TRPM8: variants seen among roughly 807,000 people sequenced by gnomAD.
TRPM8 encodes the protein TRPM8 cationic channel.
In TRPM8, 110 loss-of-function variants were observed where a neutral mutation model predicts 133.7. The ratio of observed to expected loss-of-function variants is 0.82; its 90% CI spans 0.70 to 0.96. The LOEUF (loss-of-function observed/expected upper bound fraction) is 0.96, where lower values mean the gene tolerates loss of function less well. Ranked by LOEUF, TRPM8 falls within the 40% of genes least tolerant of loss-of-function variation. The probability of loss-of-function intolerance (pLI) is 0.00; values close to 1 mark genes in which losing one functional copy is unlikely to be tolerated. For missense variants in TRPM8, 1,291 were observed against 1,379.5 expected, an observed-to-expected ratio of 0.94 and a Z score of 1.02; for synonymous variants, 535 against 532.3, an observed-to-expected ratio of 1.01 and a Z score of -0.07.
intron 3 of TRPM8, 86 bp downstream of exon 3, chr2:233,930,827 T>G (rs1453188131): frequency 1.1e-5 from 9 of 826,468 alleles, no homozygotes; most frequent in Non-Finnish European, 1.8e-5. Flanking sequence ...GCTCCCTAGT[T>G]CATTATTAAA....
chr2:233,956,093 T>C (rs980708103), intron 11 of TRPM8, among the ~76,000 whole-genome samples: 1 of 152,194 alleles, frequency 6.6e-6, no homozygotes, highest in African/African-American at 2.4e-5. Context: ...AGTATAATTA[T>C]CTAATTATAT....
intron 22 of TRPM8, among the ~76,000 whole-genome samples, chr2:233,999,259 G>A (rs976302373): frequency 9.2e-5 from 14 of 152,080 alleles, no homozygotes; most frequent in Admixed American, 5.2e-4. Flanking sequence ...ACATCCACAC[G>A]CATTCTCACA....
chr2:233,978,725 C>G (rs183002497), intron 17 of TRPM8, among the ~76,000 whole-genome samples: 7 of 152,222 alleles, frequency 4.6e-5, no homozygotes, highest in African/African-American at 1.4e-4. Flanking sequence ...AATAAACATC[C>G]TATTTACTGA....
At chr2:233,975,930 A>G (rs948269152) in intron 17 of TRPM8, among the ~76,000 whole-genome samples, 2 of 152,088 alleles carry the variant, frequency 1.3e-5, no homozygotes, top group Non-Finnish European at 2.9e-5. Context: ...AACAAAAAAC[A>G]CACACACAAA....
chr2:233,958,837 G>C (rs1280788255), intron 11 of TRPM8, among the ~76,000 whole-genome samples: 3 of 152,158 alleles, frequency 2.0e-5, no homozygotes, highest in African/African-American at 7.2e-5. Flanking sequence ...GCTGTGGGCA[G>C]AAGACATCCA....
intron 12 of TRPM8, among the ~76,000 whole-genome samples, chr2:233,961,379 C>T (rs1383120734): frequency 1.3e-5 from 2 of 152,172 alleles, no homozygotes; most frequent in African/African-American, 4.8e-5. Flanking sequence ...AATCTCAGCT[C>T]ATTGCAATCT....
chr2:234,017,336 G>T lies in TRPM8; in HGVS notation c.*80G>T, dbSNP rs201477771. The T allele has an allele frequency of 6.4e-6, 3 of 471,054 alleles. No individual in the cohort carries two copies. The highest frequency in any genetic ancestry group is 4.0e-5 in the African/African-American group (2 of 50,038). 29.2% of individuals were successfully genotyped at this position (471,054 alleles called of 1,614,324 possible). A position where few individuals can be genotyped will look rare whatever the true frequency, so the allele number is the denominator to read the frequency against. ...AATGCTGATGAACAATTTTGCTATC[G>T]ACTACTAAATGAGAGATTTTCAGAC... On this transcript the variant is annotated 3_prime_UTR_variant, in exon 26 of 26. Coordinates refer to ENST00000324695, the MANE Select transcript of TRPM8 (RefSeq NM_024080.5).
intron 8 of TRPM8, chr2:233,947,449 C>A: frequency 1.4e-6 from 2 of 1,399,208 alleles, no homozygotes; most frequent in Non-Finnish European, 1.9e-6. Context: ...AGATTGTAAC[C>A]GGCATATATA....
chr2:233,986,584 A>G (rs2125306742), intron 21 of TRPM8, among the ~76,000 whole-genome samples: 1 of 152,332 alleles, frequency 6.6e-6, no homozygotes, highest in East Asian at 1.9e-4. Context: ...CACATTTAAT[A>G]CATTATCTGT....
In TRPM8 at chr2:233,981,769, C is replaced by A; in HGVS notation, c.2448-5C>A. The stretch of plus-strand genomic sequence containing the variant: ...CATGAATTCTGTTCCTTCTTTTCCC[C>A]CTAGGCTCCACTCTTCTAATAAAAG... On this transcript the variant is annotated splice_polypyrimidine_tract_variant and splice_region_variant and intron_variant, in intron 18 of 25. Transcript: ENST00000324695. 1.2e-6 allele frequency: 2 copies of A among 1,600,978 alleles called. No individual in the cohort carries two copies. The highest frequency in any genetic ancestry group is 1.7e-6 in the Non-Finnish European group (2 of 1,176,078).
intron 9 of TRPM8, 62 bp downstream of exon 9, chr2:233,950,208 A>C (rs922182465): frequency 7.2e-6 from 11 of 1,521,384 alleles, no homozygotes; most frequent in Admixed American, 1.9e-5. Context: ...AGAAGGGAGA[A>C]TGCCTTAAAC....
chr2:233,928,269 G>A (rs913874606), intron 2 of TRPM8, among the ~76,000 whole-genome samples: 2 of 152,104 alleles, frequency 1.3e-5, no homozygotes, highest in East Asian at 2.0e-4. Flanking sequence ...GCGCCTGGCC[G>A]AGGCTGACTC....
rs976934067 is a variant in TRPM8 at position 234,014,628 on chromosome 2, A to G, written c.*16A>G. On this transcript the variant is annotated 3_prime_UTR_variant, in exon 25 of 26. Transcript: ENST00000324695. ...AATCAAATAAAACTGTATGAACTCTAATGGAGAAAAATCTAATTATAGCAA... is the reference window on the plus strand; with the variant it reads ...AATCAAATAAAACTGTATGAACTCTGATGGAGAAAAATCTAATTATAGCAA... 35 of 1,429,902 alleles carry G rather than the reference A, an allele frequency of 2.4e-5. No individual in the cohort carries two copies. Among genetic ancestry groups the G allele is most frequent in the Non-Finnish European group, 3.1e-5 (33 of 1,053,718 alleles). 88.6% of individuals were successfully genotyped at this position (1,429,902 alleles called of 1,614,324 possible).
chr2:233,945,899 A>T lies in TRPM8; in HGVS notation c.743A>T (p.Asp248Val). ...AQYLMDDFTR[D>V]PLYILDNNHT... Reference sequence around the variant, plus strand: ...TACCTTATGGATGACTTCACAAGAGATCCACTGTATATCCTGGACAACAAC... The same window carrying T: ...TACCTTATGGATGACTTCACAAGAGTTCCACTGTATATCCTGGACAACAAC... Residue 248 changes from aspartate to valine, a missense_variant, in exon 7 of 26, where the codon GAT becomes GTT. By Grantham distance (152) the Asp-to-Val change is radical (BLOSUM62 -3). Coordinates refer to ENST00000324695, the MANE Select transcript of TRPM8 (RefSeq NM_024080.5). 1 of 1,614,104 alleles carries T rather than the reference A, an allele frequency of 6.2e-7. No homozygotes were observed. Among genetic ancestry groups the T allele is most frequent in the South Asian group, 1.1e-5 (1 of 91,056 alleles).
chr2:234,014,791 A>G, intron 25 of TRPM8, 137 bp downstream of exon 25: 1 of 464,540 alleles, frequency 2.2e-6, no homozygotes, highest in Non-Finnish European at 3.8e-6. Context: ...GTGCAAAAAA[A>G]AAAAATACAG....
intron 1 of TRPM8, among the ~76,000 whole-genome samples, chr2:233,923,508 G>A (rs892321924): frequency 2.6e-5 from 4 of 152,116 alleles, no homozygotes; most frequent in Admixed American, 1.3e-4. Flanking sequence ...CCCTGCTGCC[G>A]TGCTCTGCCT....
intron 24 of TRPM8, among the ~76,000 whole-genome samples, chr2:234,008,680 G>A (rs1375715995): frequency 1.3e-5 from 2 of 152,148 alleles, no homozygotes; most frequent in Admixed American, 6.5e-5. Flanking sequence ...GTTAGTTTGA[G>A]AATGGCATCC....
intron 3 of TRPM8, among the ~76,000 whole-genome samples, chr2:233,934,442 AT>A (rs1462699621): frequency 6.6e-5 from 10 of 152,244 alleles, no homozygotes; most frequent in African/African-American, 2.2e-4. Context: ...CCTGTCAATT[AT>A]GAACATTTCC....
At chr2:233,964,560 A>T in intron 13 of TRPM8, 68 bp from the exon 14 acceptor site, 1 of 1,226,090 alleles carries the variant, frequency 8.2e-7, no homozygotes, top group Non-Finnish European at 1.1e-6. Flanking sequence ...TCAAAAAAAA[A>T]AAAAAAAAAA....
Sources: allele counts gnomAD v4.1 joint callset (sites outside exome capture counted in the v4.1 genomes callset), GRCh38; gene constraint gnomAD v4.1.1; transcripts MANE v1.5; gene names NCBI Gene and HGNC (gene_info 2026-07-23, HGNC 2026-07-21).